Variants in CBLB observed in about 807,000 individuals in gnomAD.
The protein encoded by CBLB is Cbl proto-oncogene B, also known as E3 ubiquitin-protein ligase CBL-B.
CBLB carries 31 observed loss-of-function variants against 104.9 expected under a neutral mutation model. The observed-to-expected ratio is 0.30, with a 90% CI of 0.22 to 0.40. The LOEUF is 0.40. CBLB is among the 10% of genes least tolerant of loss of function. The pLI, the probability that CBLB is intolerant of heterozygous loss-of-function variation, is 1.00. For synonymous variants in CBLB, 440 were observed against 422.6 expected (o/e 1.04, Z -0.51); for missense variants, 1,062 against 1,214.6 (o/e 0.87, Z 1.87).
chr3:105,768,517 C>T (rs1055748019), intron 4 of CBLB, among the ~76,000 whole-genome samples: 4 of 152,098 alleles, frequency 2.6e-5, no homozygotes, highest in African/African-American at 4.8e-5. Context: ...GTATATGGTA[C>T]GTAAAAGACT....
chr3:105,792,809 C>A (rs138660777), intron 3 of CBLB, among the ~76,000 whole-genome samples: 53 of 152,310 alleles, frequency 3.5e-4, no homozygotes, highest in African/African-American at 1.2e-3. Flanking sequence ...TAATCTCCAT[C>A]AATCACCATT....
intron 3 of CBLB, among the ~76,000 whole-genome samples, chr3:105,843,623 A>C (rs1383884220): frequency 1.3e-5 from 2 of 152,158 alleles, no homozygotes; most frequent in African/African-American, 4.8e-5. Flanking sequence ...TTACAAATTC[A>C]ATTATATCAA....
chr3:105,752,639 T>C (rs2076695063), intron 4 of CBLB, among the ~76,000 whole-genome samples: 4 of 152,212 alleles, frequency 2.6e-5, no homozygotes, highest in African/African-American at 9.6e-5. Context: ...TCAGGCAGAA[T>C]AAACTAAATT....
At chr3:105,685,084 C>G (rs1466522218) in intron 14 of CBLB, among the ~76,000 whole-genome samples, 1 of 152,068 alleles carries the variant, frequency 6.6e-6, no homozygotes. Flanking sequence ...ACTAATTTTT[C>G]TTCATGAGAT....
intron 18 of CBLB, among the ~76,000 whole-genome samples, chr3:105,660,971 T>C (rs1231226449): frequency 6.6e-6 from 1 of 151,748 alleles, no homozygotes; most frequent in East Asian, 1.9e-4. Context: ...TTCTTCTTTT[T>C]TTTTTTTTTT....
chr3:105,777,397 G>A (rs767719955), intron 3 of CBLB, among the ~76,000 whole-genome samples: 27 of 152,300 alleles, frequency 1.8e-4, no homozygotes, highest in Non-Finnish European at 3.4e-4. Context: ...ACCACATTGG[G>A]AGGCTGAGGT....
In CBLB at chr3:105,670,250, T is replaced by C; in HGVS notation, c.2672A>G (p.Gln891Arg). 6.2e-7 allele frequency: 1 copy of C among 1,613,210 alleles called. No homozygotes were observed. The highest frequency in any genetic ancestry group is 8.5e-7 in the Non-Finnish European group (1 of 1,179,310). The change falls in exon 18 of 19, where the codon CAG becomes CGG. Residue 891 changes from glutamine to arginine, a missense_variant. Coordinates refer to ENST00000394030, the MANE Select transcript of CBLB (RefSeq NM_170662.5). ...CAACTCACCTGAACATGAAGGAAGC[T>C]GATCATAGTCCTGTGATGTTCTGTT... ...KTNRTSQDYD[Q>R]LPSCSDGSQA...
chr3:105,767,868 G>T (rs1034205974), intron 4 of CBLB, among the ~76,000 whole-genome samples: 3 of 152,166 alleles, frequency 2.0e-5, no homozygotes, highest in Non-Finnish European at 4.4e-5. Context: ...CACAAAGTGA[G>T]TAAATGTTGC....
chr3:105,780,653 G>GTTTT (rs1245925965), intron 3 of CBLB, among the ~76,000 whole-genome samples: 16 of 84,686 alleles, frequency 1.9e-4, no homozygotes, highest in South Asian at 1.7e-3. Flanking sequence ...TAAAAGTTTT[G>GTTTT]TTTTTTGTTT....
At chr3:105,722,572 G>A (rs201341474) in intron 9 of CBLB, among the ~76,000 whole-genome samples, 8 of 10,630 alleles carry the variant, frequency 7.5e-4, no homozygotes, top group Admixed American at 3.6e-3. Context: ...AGACCTAATC[G>A]TAACTAAAAA....
chr3:105,665,411 A>AT (rs1491274401), intron 18 of CBLB, among the ~76,000 whole-genome samples: 467 of 44,724 alleles, frequency 0.01, 3 homozygotes, highest in East Asian at 0.057. Context: ...ATAAATAAAT[A>AT]AATAAATATA....
intron 3 of CBLB, among the ~76,000 whole-genome samples, chr3:105,829,666 C>CAAAAAAAAAAA (rs71627689): frequency 2.1e-5 from 1 of 47,022 alleles, no homozygotes. Context: ...AAGACCGTCC[C>CAAAAAAAAAAA]AAAAAAAAAA....
intron 9 of CBLB, among the ~76,000 whole-genome samples, chr3:105,727,467 A>T (rs1160148558): frequency 6.6e-6 from 1 of 152,058 alleles, no homozygotes; most frequent in Non-Finnish European, 1.5e-5. Context: ...AGATGGATAA[A>T]CTGTAAAAAT....
chr3:105,843,738 A>T (rs2089869029), intron 3 of CBLB, among the ~76,000 whole-genome samples: 1 of 152,204 alleles, frequency 6.6e-6, no homozygotes, highest in African/African-American at 2.4e-5. Context: ...ACCTGAAAAA[A>T]ACTTATTTCA....
intron 4 of CBLB, among the ~76,000 whole-genome samples, chr3:105,761,802 G>C (rs963688854): frequency 2.6e-5 from 4 of 152,206 alleles, no homozygotes; most frequent in African/African-American, 9.7e-5. Flanking sequence ...ACAGGGAGAG[G>C]TTGGAACAGT....
At chr3:105,792,098 C>T (rs2081723778) in intron 3 of CBLB, among the ~76,000 whole-genome samples, 2 of 152,150 alleles carry the variant, frequency 1.3e-5, no homozygotes, top group Non-Finnish European at 2.9e-5. Flanking sequence ...TGCAGAATCT[C>T]AGGTCCCACC....
chr3:105,737,045 G>T, intron 8 of CBLB, 126 bp downstream of exon 8: 1 of 447,152 alleles, frequency 2.2e-6, no homozygotes, highest in Admixed American at 3.8e-5. Context: ...AACACTCTTA[G>T]AATTCCTTAA....
At chr3:105,837,740 A>C (rs757483623) in intron 3 of CBLB, among the ~76,000 whole-genome samples, 1 of 152,220 alleles carries the variant, frequency 6.6e-6, no homozygotes, top group Non-Finnish European at 1.5e-5. Flanking sequence ...AAACATAAAT[A>C]ATAATGATAT....
rs576185792 is a variant in CBLB at position 105,718,246 on chromosome 3, G to A, written c.1407+1801C>T. On this transcript the variant is annotated intron_variant, in intron 10 of 18. Transcript: ENST00000394030. ...AAACTGTATCTTTCAGGATTAAAGA[G>A]TGAAATCGTGTAGTTTCTCTGAGTG... Among the ~76,000 whole-genome samples the A allele has an allele frequency of 4.2e-4, 64 of 152,272 alleles. 1 individual carries two copies. The highest frequency in any genetic ancestry group is 3.2e-3 in the Admixed American group (49 of 15,294).
Sources: gnomAD v4.1 joint callset for allele counts (sites outside exome capture counted in the v4.1 genomes callset) on GRCh38, gnomAD v4.1.1 for gene constraint, MANE v1.5 for transcripts, NCBI Gene and HGNC (gene_info 2026-07-23, HGNC 2026-07-21) for gene names.